Variants in IGF2BP2 observed in about 807,000 individuals in gnomAD.
The protein encoded by IGF2BP2 is insulin-like growth factor 2 mRNA-binding protein 2.
A neutral mutation model predicts 75.8 loss-of-function variants in IGF2BP2; 17 were observed. That is an observed-to-expected ratio of 0.22 (90% confidence interval 0.15 to 0.34). The LOEUF (loss-of-function observed/expected upper bound fraction) is 0.34. IGF2BP2 is among the 10% of genes least tolerant of loss of function. IGF2BP2 has a pLI of 1.00. For missense variants in IGF2BP2, 516 were observed against 772.4 expected (o/e 0.67, Z 3.93); for synonymous variants, 288 against 295.6 (o/e 0.97, Z 0.26).
At chr3:185,740,490 G>C (rs1249127695) in intron 2 of IGF2BP2, among the ~76,000 whole-genome samples, 2 of 152,152 alleles carry the variant, frequency 1.3e-5, no homozygotes, top group African/African-American at 4.8e-5. Context: ...AAGAGTATCA[G>C]ATTTACTCAC....
chr3:185,684,267 C>T (rs1264670859), intron 7 of IGF2BP2, among the ~76,000 whole-genome samples: 2 of 152,152 alleles, frequency 1.3e-5, no homozygotes, highest in African/African-American at 4.8e-5. Context: ...TATTCAGTCC[C>T]TTCAGGGCTC....
intron 2 of IGF2BP2, among the ~76,000 whole-genome samples, chr3:185,731,358 C>A (rs1227654644): frequency 3.3e-5 from 5 of 151,666 alleles, no homozygotes; most frequent in African/African-American, 1.2e-4. Flanking sequence ...GTGATTCTCC[C>A]GCCTCAGCCT....
chr3:185,712,725 T>TG (rs975297188), intron 2 of IGF2BP2: 4 of 148,638 alleles, frequency 2.7e-5, no homozygotes, highest in South Asian at 2.2e-4. Context: ...TGCTGAATTT[T>TG]GGAAAAAAAA....
chr3:185,794,470 A>G (rs1342049243), intron 2 of IGF2BP2, among the ~76,000 whole-genome samples: 1 of 70,684 alleles, frequency 1.4e-5, no homozygotes, highest in Non-Finnish European at 2.9e-5. Context: ...CCAATGGGGG[A>G]TCACAGAGCT....
Position 185,668,487 on chromosome 3 carries a change from CGAGAGAGA to C in IGF2BP2, c.1200+4046_1200+4053del, listed in dbSNP as rs1274930634. 4.8e-5 allele frequency among the ~76,000 whole-genome samples: 6 copies of C among 124,826 alleles called. No individual in the cohort carries two copies. The East Asian group carries it at 9.4e-4, about 20-fold the overall frequency. The allele number at this position is 124,826 out of a possible 152,430, so 81.9% of individuals were successfully genotyped here. A position where few individuals can be genotyped will look rare whatever the true frequency, so the allele number is the denominator to read the frequency against. ...AACTTCAAACAAAAGTTCATTTGTT[CGAGAGAGA>C]GAGAGAGAGAGAGATATATATATAT... On this transcript the variant is annotated intron_variant, in intron 10 of 15. Coordinates refer to ENST00000382199, the MANE Select transcript of IGF2BP2 (RefSeq NM_006548.6).
intron 2 of IGF2BP2, among the ~76,000 whole-genome samples, chr3:185,719,216 T>C (rs1259095254): frequency 6.6e-6 from 1 of 152,146 alleles, no homozygotes; most frequent in Non-Finnish European, 1.5e-5. Context: ...ACTGCAGGGA[T>C]TTGCACAGGG....
Position 185,675,285 on chromosome 3 carries a change from T to C in IGF2BP2, c.1071+11A>G. On this transcript the variant is annotated intron_variant, in intron 9 of 15. Coordinates refer to ENST00000382199, the MANE Select transcript of IGF2BP2 (RefSeq NM_006548.6). ...TGAAAACCAGCGGAGAAGAAAGCATTAGGGACTTACGTTAACAGCCAGCAT... is the reference window on the plus strand; with the variant it reads ...TGAAAACCAGCGGAGAAGAAAGCATCAGGGACTTACGTTAACAGCCAGCAT... 1 of 1,601,136 alleles carries C rather than the reference T, an allele frequency of 6.2e-7. No homozygotes were observed.
intron 2 of IGF2BP2, among the ~76,000 whole-genome samples, chr3:185,706,745 T>G (rs1312261292): frequency 2.6e-5 from 4 of 150,974 alleles, no homozygotes; most frequent in African/African-American, 4.9e-5. Flanking sequence ...TTCCTTCTTT[T>G]TTTTTTTTTT....
At chr3:185,726,159 C>A (rs996686701) in intron 2 of IGF2BP2, among the ~76,000 whole-genome samples, 2 of 151,890 alleles carry the variant, frequency 1.3e-5, no homozygotes, top group African/African-American at 4.8e-5. Flanking sequence ...TGGAAAGGTG[C>A]GATCATCATT....
rs920148817 is a variant in IGF2BP2 at position 185,652,179 on chromosome 3, C to T, written c.1387-11G>A. On this transcript the variant is annotated splice_polypyrimidine_tract_variant and intron_variant, in intron 12 of 15. Transcript: ENST00000382199. ...TTCCGCAGGGGCAATCTGTGGTTCA[C>T]AGGAGAGGAAAACGCTGATGCTCGG... 4.4e-6 allele frequency: 7 copies of T among 1,606,726 alleles called. No homozygotes were observed. The African/African-American group carries it at 5.4e-5, about 12-fold the overall frequency.
At chr3:185,814,715 C>G (rs991227811) in intron 2 of IGF2BP2, among the ~76,000 whole-genome samples, 1 of 152,108 alleles carries the variant, frequency 6.6e-6, no homozygotes. Flanking sequence ...TCTTATATAT[C>G]TCATTTCATT....
intron 2 of IGF2BP2, among the ~76,000 whole-genome samples, 173 bp from the exon 3 acceptor site, chr3:185,698,520 TC>T (rs1722872805): frequency 6.6e-6 from 1 of 152,220 alleles, no homozygotes; most frequent in Non-Finnish European, 1.5e-5. Flanking sequence ...TTGTTTTTTT[TC>T]GAGCCAGAGT....
Position 185,760,785 on chromosome 3 carries a change from A to G in IGF2BP2, c.239+62368T>C, listed in dbSNP as rs1732257493. Among the ~76,000 whole-genome samples, 3 of 152,316 alleles carry G rather than the reference A, an allele frequency of 2.0e-5. No homozygotes were observed. The South Asian group carries it at 6.2e-4, about 32-fold the overall frequency. Reference sequence around the variant, plus strand: ...CCTGGCTCCTCCCTAATCTGGGAGCAGAGGATCAGCTGTTTCTTTTTGCTA... The same window carrying G: ...CCTGGCTCCTCCCTAATCTGGGAGCGGAGGATCAGCTGTTTCTTTTTGCTA... On this transcript the variant is annotated intron_variant, in intron 2 of 15. Transcript: ENST00000382199.
At chr3:185,784,234 CTAAA>C (rs1476654935) in intron 2 of IGF2BP2, among the ~76,000 whole-genome samples, 2 of 151,302 alleles carry the variant, frequency 1.3e-5, no homozygotes, top group African/African-American at 4.9e-5. Context: ...GACTTTGTCT[CTAAA>C]TAAATAAACA....
chr3:185,691,879 T>A lies in IGF2BP2; in HGVS notation c.404+820A>T, dbSNP rs1253715231. ...CCTCCCAAGTAGCTGGAACTACAGG[T>A]GCAAGCCACCATTCCCAGCTAATTT... is the stretch of plus-strand genomic sequence containing the variant. On this transcript the variant is annotated intron_variant, in intron 5 of 15. Transcript: ENST00000382199. 2.0e-5 allele frequency among the ~76,000 whole-genome samples: 3 copies of A among 152,088 alleles called. No homozygotes were observed. In the East Asian group the frequency reaches 5.8e-4, roughly 29 times the overall value.
intron 2 of IGF2BP2, among the ~76,000 whole-genome samples, chr3:185,769,487 C>T (rs1733572643): frequency 6.6e-6 from 1 of 152,048 alleles, no homozygotes; most frequent in African/African-American, 2.4e-5. Flanking sequence ...AGCTCAAAGG[C>T]CACTCTTCAA....
chr3:185,755,455 C>T (rs1731498171), intron 2 of IGF2BP2, among the ~76,000 whole-genome samples: 1 of 152,204 alleles, frequency 6.6e-6, no homozygotes, highest in Admixed American at 6.5e-5. Context: ...AGGGTACTGC[C>T]TAGTGGAGCT....
chr3:185,723,928 G>A (rs1726945208), intron 2 of IGF2BP2, among the ~76,000 whole-genome samples: 1 of 152,232 alleles, frequency 6.6e-6, no homozygotes, highest in African/African-American at 2.4e-5. Flanking sequence ...AAAGTTGGGA[G>A]GCAACCGAAG....
chr3:185,769,604 G>C (rs1220723264), intron 2 of IGF2BP2, among the ~76,000 whole-genome samples: 1 of 151,876 alleles, frequency 6.6e-6, no homozygotes, highest in Non-Finnish European at 1.5e-5. Flanking sequence ...TTGGAGGTTT[G>C]AGGCAGAAGG....
Sources: allele counts gnomAD v4.1 joint callset (sites outside exome capture counted in the v4.1 genomes callset), GRCh38; gene constraint gnomAD v4.1.1; transcripts MANE v1.5; gene names NCBI Gene and HGNC (gene_info 2026-07-23, HGNC 2026-07-21).